The following NLGN4X variants were observed in gnomAD, a reference collection of about 807,000 sequenced individuals.
NLGN4X encodes neuroligin 4 X-linked.
In NLGN4X, 3 loss-of-function variants were observed where a neutral mutation model predicts 40.3. That is an observed-to-expected ratio of 0.07 (90% confidence interval 0.03 to 0.19). The LOEUF is 0.19. Ranked by LOEUF, NLGN4X falls within the 10% of genes least tolerant of loss-of-function variation. NLGN4X has a pLI of 1.00. For missense variants in NLGN4X, 382 were observed against 708.3 expected (o/e 0.54, Z 5.23); for synonymous variants, 270 against 306.8 (o/e 0.88, Z 1.25).
At position 5,892,352 on chromosome X, in the gene NLGN4X, T is replaced by C. The variant is rs771176266; in HGVS notation, c.*465A>G. The C allele has an allele frequency of 1.2e-3, 211 of 178,107 alleles. No individual in the cohort carries two copies. Among genetic ancestry groups the C allele is most frequent in the Non-Finnish European group, 1.6e-3 (152 of 95,346 alleles). The allele number at this position is 178,107 out of a possible 1,213,427, so 14.7% of individuals were successfully genotyped here. A position where few individuals can be genotyped will look rare whatever the true frequency, so the allele number is the denominator to read the frequency against. ...GCTCCATGTGCTGGGCAAAATCTCA[T>C]TGACTCTTTCTTCACTTAAGGAGAG... is the stretch of plus-strand genomic sequence containing the variant. On this transcript the variant is annotated 3_prime_UTR_variant, in exon 6 of 6. Coordinates refer to ENST00000381095, the MANE Select transcript of NLGN4X (RefSeq NM_181332.3).
intron 3 of NLGN4X, among the ~76,000 whole-genome samples, chrX:5,940,958 A>G (rs1006479274): frequency 9.1e-6 from 1 of 110,008 alleles, no homozygotes; most frequent in Admixed American, 9.8e-5. Flanking sequence ...CCACAAAAAA[A>G]AAAGTTTTTT....
At chrX:5,971,979 TA>T (rs1353960197) in intron 3 of NLGN4X, among the ~76,000 whole-genome samples, 1 of 112,144 alleles carries the variant, frequency 8.9e-6, no homozygotes, top group African/African-American at 3.2e-5. Context: ...TCCTTAAAGA[TA>T]ATGAATTGAT....
chrX:6,116,161 T>C (rs774079656), intron 2 of NLGN4X, among the ~76,000 whole-genome samples: 38 of 104,283 alleles, frequency 3.6e-4, no homozygotes, highest in East Asian at 2.1e-3. Context: ...GGCGTGGTGG[T>C]GGGCGCCTGC....
In NLGN4X at chrX:6,141,019, C is replaced by T. The variant is rs192913737; in HGVS notation, c.472+9976G>A. Among the ~76,000 whole-genome samples, 107 of 111,253 alleles carry T rather than the reference C, an allele frequency of 9.6e-4. 1 individual carries two copies. Among genetic ancestry groups the T allele is most frequent in the African/African-American group, 3.4e-3 (105 of 30,658 alleles). On this transcript the variant is annotated intron_variant, in intron 2 of 5. Coordinates refer to ENST00000381095, the MANE Select transcript of NLGN4X (RefSeq NM_181332.3). Reference sequence around the variant, plus strand: ...AGAGATCACTCCTTTGGAGTTTTTCCCTCTGGTTCCCTTGCCTTTAAGCTG... The same window carrying T: ...AGAGATCACTCCTTTGGAGTTTTTCTCTCTGGTTCCCTTGCCTTTAAGCTG...
chrX:6,183,483 T>C (rs921852354), intron 1 of NLGN4X, among the ~76,000 whole-genome samples: 17 of 109,593 alleles, frequency 1.6e-4, no homozygotes, highest in Non-Finnish European at 2.7e-4. Flanking sequence ...GGAGGCGGAG[T>C]TTGCAGTGAG....
intron 2 of NLGN4X, among the ~76,000 whole-genome samples, chrX:6,034,355 TG>T (rs2036947385): frequency 8.9e-6 from 1 of 112,635 alleles, no homozygotes; most frequent in African/African-American, 3.2e-5. Flanking sequence ...TTCCATTGTA[TG>T]GGTATACCAC....
intron 2 of NLGN4X, among the ~76,000 whole-genome samples, chrX:6,090,888 A>ATG (rs200273379): frequency 8.9e-6 from 1 of 111,983 alleles, no homozygotes; most frequent in Admixed American, 9.5e-5. Context: ...ACCTCCTACA[A>ATG]CAAAGACGGG....
At chrX:5,932,647 T>C (rs772517793) in intron 3 of NLGN4X, among the ~76,000 whole-genome samples, 26 of 111,016 alleles carry the variant, frequency 2.3e-4, no homozygotes, top group Non-Finnish European at 4.7e-4. Flanking sequence ...AAGAACCTAA[T>C]AGTTAAGATA....
At chrX:6,057,978 T>A (rs1209537742) in intron 2 of NLGN4X, among the ~76,000 whole-genome samples, 1 of 111,716 alleles carries the variant, frequency 9.0e-6, no homozygotes, top group Non-Finnish European at 1.9e-5. Context: ...AGATAAGACT[T>A]CATACATGGG....
At chrX:6,186,423 C>T (rs1012876177) in intron 1 of NLGN4X, among the ~76,000 whole-genome samples, 1 of 112,313 alleles carries the variant, frequency 8.9e-6, no homozygotes, top group African/African-American at 3.2e-5. Context: ...TTTTTATCCT[C>T]CAGAGATCAA....
At chrX:5,993,440 A>G (rs1025097521) in intron 3 of NLGN4X, among the ~76,000 whole-genome samples, 4 of 112,151 alleles carry the variant, frequency 3.6e-5, no homozygotes, top group African/African-American at 1.3e-4. Flanking sequence ...GAATTGTAGG[A>G]TGTTGAACAG....
intron 3 of NLGN4X, among the ~76,000 whole-genome samples, chrX:5,921,843 G>A (rs1335973291): frequency 9.0e-6 from 1 of 111,357 alleles, no homozygotes; most frequent in African/African-American, 3.3e-5. Flanking sequence ...AACTTAGCAC[G>A]GCCCAGGTAG....
chrX:6,092,721 G>T (rs1569232943), intron 2 of NLGN4X, among the ~76,000 whole-genome samples: 1 of 111,905 alleles, frequency 8.9e-6, no homozygotes, highest in Non-Finnish European at 1.9e-5. Context: ...TTTGAAAAAT[G>T]ACCACATAGA....
intron 1 of NLGN4X, chrX:6,227,795 C>G (rs1299516898): frequency 1.8e-5 from 2 of 110,600 alleles, no homozygotes; most frequent in Non-Finnish European, 1.9e-5. Context: ...TCACCCAAGC[C>G]GTCATCTTAT....
intron 3 of NLGN4X, among the ~76,000 whole-genome samples, chrX:5,909,651 G>C (rs933254473): frequency 9.3e-6 from 1 of 107,941 alleles, no homozygotes; most frequent in Non-Finnish European, 1.9e-5. Flanking sequence ...GTGTGTGGGG[G>C]GGGGAGGGGG....
intron 3 of NLGN4X, among the ~76,000 whole-genome samples, chrX:5,943,683 A>T (rs2034028152): frequency 8.9e-6 from 1 of 112,499 alleles, no homozygotes; most frequent in Non-Finnish European, 1.9e-5. Flanking sequence ...AGTTAAAGGA[A>T]TAATTTGAAC....
chrX:6,068,806 C>T (rs1008291977), intron 2 of NLGN4X, among the ~76,000 whole-genome samples: 1 of 110,965 alleles, frequency 9.0e-6, no homozygotes, highest in Non-Finnish European at 1.9e-5. Context: ...ACATCCCTCA[C>T]CTAAAAGCAA....
intron 3 of NLGN4X, among the ~76,000 whole-genome samples, chrX:5,937,238 C>A (rs1434981249): frequency 1.8e-5 from 2 of 110,732 alleles, no homozygotes; most frequent in African/African-American, 6.6e-5. Context: ...CCACACCCAG[C>A]TAATTTTTTT....
At chrX:6,030,809 G>A (rs1192062517) in intron 2 of NLGN4X, among the ~76,000 whole-genome samples, 1 of 111,742 alleles carries the variant, frequency 8.9e-6, no homozygotes, top group Non-Finnish European at 1.9e-5. Context: ...ATACACTACG[G>A]GAAATGTCTT....
Sources: gnomAD v4.1 joint callset for allele counts (sites outside exome capture counted in the v4.1 genomes callset) on GRCh38, gnomAD v4.1.1 for gene constraint, MANE v1.5 for transcripts, NCBI Gene and HGNC (gene_info 2026-07-23, HGNC 2026-07-21) for gene names.